EFHB: variants seen among roughly 807,000 people sequenced by gnomAD.
EFHB encodes the protein EF-hand domain family member B.
EFHB carries 91 observed loss-of-function variants against 87.2 expected under a neutral mutation model. The ratio of observed to expected loss-of-function variants is 1.04; its 90% confidence interval spans 0.88 to 1.24. The LOEUF (loss-of-function observed/expected upper bound fraction) is 1.24, where lower values mean the gene tolerates loss of function less well. Ranked by LOEUF, EFHB falls within the 50% of genes most tolerant of loss-of-function variation. The probability of loss-of-function intolerance (pLI) is 0.00; values close to 1 mark genes in which losing one functional copy is unlikely to be tolerated. For missense variants in EFHB, 1,084 were observed against 998.8 expected, an observed-to-expected ratio of 1.09 and a Z score of -1.15; for synonymous variants, 325 against 333.6, an observed-to-expected ratio of 0.97 and a Z score of 0.28.
chr3:19,930,803 G>A (rs1026684739), intron 1 of EFHB, among the ~76,000 whole-genome samples: 5 of 152,028 alleles, frequency 3.3e-5, no homozygotes, highest in African/African-American at 1.2e-4. Context: ...GTCTTGCTAT[G>A]TTGCCCAGGC....
chr3:19,945,044 G>C (rs1696238810), intron 1 of EFHB, among the ~76,000 whole-genome samples: 1 of 152,184 alleles, frequency 6.6e-6, no homozygotes, highest in South Asian at 2.1e-4. Context: ...AATAATAATT[G>C]AATCCAGTAG....
upstream of EFHB, among the ~76,000 whole-genome samples, chr3:19,934,558 GA>G (rs1427828809): frequency 6.7e-6 from 1 of 150,226 alleles, no homozygotes; most frequent in African/African-American, 2.5e-5. Context: ...TTCTTTGCTA[GA>G]TTTGGAGGGC....
At chr3:19,899,988 G>A (rs967873687) in intron 6 of EFHB, among the ~76,000 whole-genome samples, 28 of 152,088 alleles carry the variant, frequency 1.8e-4, no homozygotes, top group East Asian at 5.8e-4. Flanking sequence ...TAGGAAGATC[G>A]CTTGAGACTG....
intron 1 of EFHB, among the ~76,000 whole-genome samples, chr3:19,931,994 CT>C (rs1695846536): frequency 6.6e-6 from 1 of 152,160 alleles, no homozygotes; most frequent in African/African-American, 2.4e-5. Context: ...GCTTCTTTAC[CT>C]GTCATCTCAT....
intron 1 of EFHB, among the ~76,000 whole-genome samples, chr3:19,932,791 G>C (rs1465162426): frequency 1.3e-5 from 2 of 152,170 alleles, no homozygotes; most frequent in Non-Finnish European, 2.9e-5. Context: ...TTTCAATTTA[G>C]TTTGTCCTGT....
intron 11 of EFHB, among the ~76,000 whole-genome samples, chr3:19,884,046 T>C (rs1574988519): frequency 2.0e-5 from 3 of 152,196 alleles, no homozygotes; most frequent in Non-Finnish European, 2.9e-5. Context: ...AAAAGCTCTT[T>C]AAATATTTGA....
chr3:19,888,730 A>C (rs1181284302), intron 9 of EFHB, 79 bp from the exon 10 acceptor site: 3 of 1,155,266 alleles, frequency 2.6e-6, no homozygotes, highest in Non-Finnish European at 2.4e-6. Flanking sequence ...TAGTTTAAGA[A>C]AAAAGAAATA....
chr3:19,897,797 A>G (rs1035753634), intron 8 of EFHB, among the ~76,000 whole-genome samples: 3 of 152,214 alleles, frequency 2.0e-5, no homozygotes, highest in African/African-American at 7.2e-5. Flanking sequence ...TCCATCAAAC[A>G]TTAGTAGTTT....
intron 9 of EFHB, among the ~76,000 whole-genome samples, chr3:19,896,067 T>C (rs1431105954): frequency 6.6e-6 from 1 of 152,154 alleles, no homozygotes; most frequent in Non-Finnish European, 1.5e-5. Flanking sequence ...GAAAAGACAT[T>C]CTAAGCTTGA....
intron 5 of EFHB, among the ~76,000 whole-genome samples, chr3:19,906,460 T>C (rs1040364069): frequency 6.6e-6 from 1 of 152,130 alleles, no homozygotes; most frequent in Non-Finnish European, 1.5e-5. Context: ...ATTCAATTTA[T>C]GATAGCATAA....
intron 12 of EFHB, among the ~76,000 whole-genome samples, chr3:19,882,286 T>C (rs2071698163): frequency 1.3e-5 from 2 of 152,084 alleles, no homozygotes; most frequent in South Asian, 4.1e-4. Flanking sequence ...TAGAATAGTA[T>C]TAAATGTTTT....
Position 19,933,367 on chromosome 3 carries a change from G to C in EFHB, c.652C>G (p.Pro218Ala), listed in dbSNP as rs774280534. The change falls in exon 1 of 13, where the codon CCT becomes GCT. Residue 218 changes from proline (P) to alanine (A), a missense_variant. Transcript: ENST00000295824. ...TEPQMGLVIE[P>A]PQCQFAQQHE... ...TGTTGGGCAAACTGGCATTGGGGAG[G>C]TTCTATCACCAAGCCCATTTGGGGC... 6.2e-7 allele frequency: 1 copy of C among 1,613,958 alleles called. No individual in the cohort carries two copies. Among genetic ancestry groups the C allele is most frequent in the South Asian group, 1.1e-5 (1 of 91,084 alleles).
chr3:19,924,967 C>T (rs965562724), intron 1 of EFHB, among the ~76,000 whole-genome samples: 9 of 152,078 alleles, frequency 5.9e-5, no homozygotes, highest in African/African-American at 2.2e-4. Flanking sequence ...TTAGGATGGC[C>T]GGGCGCAGTG....
chr3:19,931,889 T>A (rs1286033159), intron 1 of EFHB, among the ~76,000 whole-genome samples: 1 of 152,218 alleles, frequency 6.6e-6, no homozygotes, highest in Non-Finnish European at 1.5e-5. Context: ...ACTGACCACC[T>A]CATGTCAATG....
intron 1 of EFHB, among the ~76,000 whole-genome samples, chr3:19,928,501 G>C (rs2929319): frequency 0.58 from 88,127 of 152,076 alleles, 26,120 homozygotes; most frequent in Non-Finnish European, 0.64. Flanking sequence ...GCCCAGGACA[G>C]TGGTGCGATC....
chr3:19,925,241 CA>C (rs968867573), intron 1 of EFHB, among the ~76,000 whole-genome samples: 2,181 of 62,060 alleles, frequency 0.035, 14 homozygotes, highest in Middle Eastern at 0.073. Flanking sequence ...GACTCCTTCT[CA>C]AAAAAAAAAA....
chr3:19,946,469 C>G (rs185260971), intron 1 of EFHB, among the ~76,000 whole-genome samples: 2 of 152,216 alleles, frequency 1.3e-5, no homozygotes, highest in Non-Finnish European at 2.9e-5. Flanking sequence ...AAGGGAAATT[C>G]TGAATAAAAG....
chr3:19,911,120 A>T (rs1214452448), intron 5 of EFHB, among the ~76,000 whole-genome samples: 2 of 152,236 alleles, frequency 1.3e-5, no homozygotes, highest in Non-Finnish European at 2.9e-5. Flanking sequence ...CCAAGGAACA[A>T]TCATGGAGCA....
intron 5 of EFHB, among the ~76,000 whole-genome samples, chr3:19,912,108 C>T (rs1158976760): frequency 1.3e-5 from 2 of 152,028 alleles, no homozygotes; most frequent in African/African-American, 2.4e-5. Flanking sequence ...GGTTATAGAA[C>T]ACCAAGCAGA....
Sources: gnomAD v4.1 joint callset for allele counts (sites outside exome capture counted in the v4.1 genomes callset) on GRCh38, gnomAD v4.1.1 for gene constraint, MANE v1.5 for transcripts, NCBI Gene and HGNC (gene_info 2026-07-23, HGNC 2026-07-21) for gene names.